ABLIM3: variants seen among roughly 807,000 people sequenced by gnomAD.
The protein encoded by ABLIM3 is actin binding LIM protein family member 3.
ABLIM3 carries 61 observed loss-of-function variants against 109.5 expected under a neutral mutation model. The observed-to-expected ratio is 0.56, with a 90% CI of 0.45 to 0.69. ABLIM3 has a LOEUF of 0.69. Ranked by LOEUF, ABLIM3 falls within the 30% of genes least tolerant of loss-of-function variation. ABLIM3 has a pLI of 0.00. For missense variants in ABLIM3, 796 were observed against 889.5 expected (o/e 0.89, Z 1.34); for synonymous variants, 300 against 324.8 (o/e 0.92, Z 0.82).
intron 3 of ABLIM3, among the ~76,000 whole-genome samples, chr5:149,193,282 A>C (rs1227013274): frequency 6.6e-6 from 1 of 152,118 alleles, no homozygotes; most frequent in African/African-American, 2.4e-5. Flanking sequence ...ATAAGAATTT[A>C]TTAAGGTTAC....
At chr5:149,256,547 G>C (rs937467965) in intron 23 of ABLIM3, among the ~76,000 whole-genome samples, 2 of 152,236 alleles carry the variant, frequency 1.3e-5, no homozygotes, top group Non-Finnish European at 2.9e-5. Context: ...ACATTTTCAA[G>C]ACAGGAACTT....
chr5:149,252,950 GC>G, intron 23 of ABLIM3, 113 bp downstream of exon 23: 1 of 774,362 alleles, frequency 1.3e-6, no homozygotes, highest in South Asian at 1.6e-5. Context: ...AGATCACACA[GC>G]TTATTGAAAA....
intron 14 of ABLIM3, among the ~76,000 whole-genome samples, chr5:149,241,335 T>C (rs1752821103): frequency 6.6e-6 from 1 of 152,198 alleles, no homozygotes; most frequent in African/African-American, 2.4e-5. Context: ...AGGTAGAGGA[T>C]AATTTCAGGT....
intron 7 of ABLIM3, among the ~76,000 whole-genome samples, chr5:149,212,033 A>G (rs1039866463): frequency 6.6e-6 from 1 of 152,118 alleles, no homozygotes; most frequent in Admixed American, 6.5e-5. Flanking sequence ...GGGAGGATGA[A>G]ATATAAGAGT....
intron 2 of ABLIM3, among the ~76,000 whole-genome samples, chr5:149,171,915 T>A (rs55980192): frequency 0.42 from 63,084 of 151,876 alleles, 13,622 homozygotes; most frequent in East Asian, 0.68. Flanking sequence ...TGAGTTTCTA[T>A]TGTCCACTAT....
At chr5:149,215,967 C>A (rs998139487) in intron 7 of ABLIM3, among the ~76,000 whole-genome samples, 10 of 152,178 alleles carry the variant, frequency 6.6e-5, no homozygotes, top group Non-Finnish European at 8.8e-5. Flanking sequence ...TTTCTTCCCC[C>A]CATGGAAGTC....
chr5:149,235,563 A>T (rs1241440519), intron 10 of ABLIM3, among the ~76,000 whole-genome samples: 5 of 152,150 alleles, frequency 3.3e-5, no homozygotes, highest in Non-Finnish European at 7.3e-5. Flanking sequence ...AAGAAATATA[A>T]ATTTAGTGTT....
At position 149,164,658 on chromosome 5, in the gene ABLIM3, G is replaced by A. The variant is rs116372737; in HGVS notation, c.14-18794G>A. ...ATGCATCAGGATTGAGAATGCATCCGTTTGAGAACCACTGCTTACCCATAA... is the reference window on the plus strand; with the variant it reads ...ATGCATCAGGATTGAGAATGCATCCATTTGAGAACCACTGCTTACCCATAA... On this transcript the variant is annotated intron_variant, in intron 2 of 23. Coordinates refer to ENST00000309868, the MANE Select transcript of ABLIM3 (RefSeq NM_014945.5). Among the ~76,000 whole-genome samples, 705 of 152,194 alleles carry A rather than the reference G, an allele frequency of 4.6e-3. 8 individuals are homozygous for A. Among genetic ancestry groups the A allele is most frequent in the African/African-American group, 0.016 (672 of 41,524 alleles).
At chr5:149,208,107 G>A (rs1319504581) in intron 6 of ABLIM3, among the ~76,000 whole-genome samples, 1 of 152,244 alleles carries the variant, frequency 6.6e-6, no homozygotes, top group African/African-American at 2.4e-5. Context: ...CTGCGTTCAT[G>A]AAGAATTATG....
chr5:149,231,240 G>A (rs901871764), intron 9 of ABLIM3, among the ~76,000 whole-genome samples: 54 of 152,208 alleles, frequency 3.5e-4, no homozygotes, highest in Admixed American at 7.8e-4. Flanking sequence ...ACATCCCCAG[G>A]TACGCGCTGG....
intron 18 of ABLIM3, 52 bp downstream of exon 18, chr5:149,247,981 T>G: frequency 6.3e-7 from 1 of 1,579,722 alleles, no homozygotes. Context: ...TCTCTGTGAC[T>G]AGCTGGCAGT....
At chr5:149,166,159 C>T (rs1268608433) in intron 2 of ABLIM3, among the ~76,000 whole-genome samples, 1 of 152,150 alleles carries the variant, frequency 6.6e-6, no homozygotes, top group African/African-American at 2.4e-5. Flanking sequence ...GAGCCCATGT[C>T]CCCACCTGGT....
rs78996023 is a variant in ABLIM3 at position 149,171,689 on chromosome 5, T to C, written c.14-11763T>C. ...TGGAACATAGGATGTGGACTTCGGG[T>C]TGAGAGTCCTGTAGTGAGGATAAAT... On this transcript the variant is annotated intron_variant, in intron 2 of 23. Coordinates refer to ENST00000309868, the MANE Select transcript of ABLIM3 (RefSeq NM_014945.5). Among the ~76,000 whole-genome samples the C allele has an allele frequency of 1.2e-4, 19 of 152,302 alleles. 1 individual carries two copies. The East Asian group carries it at 3.7e-3, about 29-fold the overall frequency.
intron 2 of ABLIM3, among the ~76,000 whole-genome samples, chr5:149,143,009 TATC>T (rs1367728055): frequency 6.6e-6 from 1 of 152,068 alleles, no homozygotes; most frequent in African/African-American, 2.4e-5. Flanking sequence ...ATGACTTTGT[TATC>T]AGTCCCCTCT....
intron 8 of ABLIM3, among the ~76,000 whole-genome samples, chr5:149,228,765 T>C (rs1373273268): frequency 6.6e-6 from 1 of 152,232 alleles, no homozygotes; most frequent in African/African-American, 2.4e-5. Context: ...ATATTTTTTT[T>C]CTTGTTTGAT....
At chr5:149,251,107 G>A (rs1753881018) in intron 20 of ABLIM3, among the ~76,000 whole-genome samples, 1 of 152,160 alleles carries the variant, frequency 6.6e-6, no homozygotes, top group South Asian at 2.1e-4. Context: ...TAGAAAAAGG[G>A]GTGTTTGAGC....
intron 23 of ABLIM3, 102 bp downstream of exon 23, chr5:149,252,939 A>T: frequency 1.2e-6 from 1 of 844,784 alleles, no homozygotes; most frequent in Non-Finnish European, 2.0e-6. Flanking sequence ...GAGTGGCTTT[A>T]AGATCACACA....
chr5:149,171,542 A>G (rs10052843), intron 2 of ABLIM3, among the ~76,000 whole-genome samples: 51,678 of 152,076 alleles, frequency 0.34, 8,958 homozygotes, highest in East Asian at 0.52. Flanking sequence ...TCCAGATCTG[A>G]CAGGTTCCAT....
chr5:149,254,698 C>G (rs1000203742), intron 23 of ABLIM3, among the ~76,000 whole-genome samples: 1 of 152,206 alleles, frequency 6.6e-6, no homozygotes, highest in African/African-American at 2.4e-5. Context: ...AGGGCCTCCT[C>G]CTTTCACTGT....
Sources: gnomAD v4.1 joint callset for allele counts (sites outside exome capture counted in the v4.1 genomes callset) on GRCh38, gnomAD v4.1.1 for gene constraint, MANE v1.5 for transcripts, NCBI Gene and HGNC (gene_info 2026-07-23, HGNC 2026-07-21) for gene names.